The following FAT3 variants were observed in gnomAD, a reference collection of about 807,000 sequenced individuals.
The protein encoded by FAT3 is FAT atypical cadherin 3, also known as protocadherin Fat 3.
A neutral mutation model predicts 310.2 loss-of-function variants in FAT3; 95 were observed. The ratio of observed to expected loss-of-function variants is 0.31; its 90% CI spans 0.26 to 0.36. FAT3 has a LOEUF of 0.36. Ranked by LOEUF, FAT3 falls within the 10% of genes least tolerant of loss-of-function variation. The pLI is 1.00. For synonymous variants in FAT3, 2,314 were observed against 2,192.9 expected, an observed-to-expected ratio of 1.06 and a Z score of -1.54; for missense variants, 5,408 against 5,715.6, an observed-to-expected ratio of 0.95 and a Z score of 1.74.
chr11:92,798,286 A>C lies in FAT3; in HGVS notation c.5273A>C (p.Gln1758Pro), dbSNP rs781780255. ...GCTTCCAATGCTACAGTCAATATTC[A>C]GATTGTTGATGAAAATGATAATGCC... Reference protein sequence around the residue: ...GMASNATVNIQIVDENDNAPV... With the variant: ...GMASNATVNIPIVDENDNAPV... Residue 1758 changes from glutamine (Q) to proline (P), a missense_variant, in exon 10 of 28, where the codon CAG becomes CCG. Gln to Pro is a moderately conservative substitution (Grantham distance 76). Transcript: ENST00000525166. The C allele has an allele frequency of 6.2e-7, 1 of 1,613,888 alleles. No homozygotes were observed. Among genetic ancestry groups the C allele is most frequent in the South Asian group, 1.1e-5 (1 of 91,078 alleles).
chr11:92,346,155 A>G (rs1948413539), intron 1 of FAT3, among the ~76,000 whole-genome samples: 1 of 152,162 alleles, frequency 6.6e-6, no homozygotes, highest in African/African-American at 2.4e-5. Flanking sequence ...TCTATAACTG[A>G]TTTCAGGAGC....
chr11:92,405,061 T>C (rs1358223560), intron 2 of FAT3, among the ~76,000 whole-genome samples: 1 of 151,980 alleles, frequency 6.6e-6, no homozygotes, highest in Non-Finnish European at 1.5e-5. Context: ...GCAAGCCAAC[T>C]CCTCATAATA....
intron 13 of FAT3, among the ~76,000 whole-genome samples, chr11:92,818,546 C>T (rs1468637139): frequency 6.6e-6 from 1 of 152,164 alleles, no homozygotes; most frequent in African/African-American, 2.4e-5. Context: ...TGGGTTTCTC[C>T]AGACCCTGGA....
intron 2 of FAT3, among the ~76,000 whole-genome samples, chr11:92,411,310 C>T (rs1950263256): frequency 6.6e-6 from 1 of 151,492 alleles, no homozygotes; most frequent in Non-Finnish European, 1.5e-5. Context: ...GTAGGAATTT[C>T]AAAGTCTCAT....
At chr11:92,226,863 C>CGCG (rs1863932444) in intron 1 of FAT3, among the ~76,000 whole-genome samples, 1 of 152,142 alleles carries the variant, frequency 6.6e-6, no homozygotes. Flanking sequence ...ACGCTGGGAC[C>CGCG]GCGGTAATGA....
rs17529129 is a variant in FAT3, at chr11:92,545,525, G to T, written c.3607+20577G>T. ...AATTAGTGATAGAATAAATTTGCTAGAATTTTCTCTCTCAAAGATAACAAG... is the reference window on the plus strand; with the variant it reads ...AATTAGTGATAGAATAAATTTGCTATAATTTTCTCTCTCAAAGATAACAAG... On this transcript the variant is annotated intron_variant, in intron 3 of 27. Coordinates refer to ENST00000525166, the MANE Select transcript of FAT3 (RefSeq NM_001367949.2). Among the ~76,000 whole-genome samples, 976 of 152,248 alleles carry T rather than the reference G, an allele frequency of 6.4e-3. 10 individuals carry two copies. The highest frequency in any genetic ancestry group is 0.02 in the Middle Eastern group (6 of 294).
chr11:92,890,391 A>G (rs1249109434), intron 27 of FAT3, 100 bp from the exon 28 acceptor site: 2 of 1,380,760 alleles, frequency 1.4e-6, no homozygotes, highest in Non-Finnish European at 1.9e-6. Flanking sequence ...GGTTTCTTGG[A>G]TGCTAAAAAT....
intron 13 of FAT3, among the ~76,000 whole-genome samples, chr11:92,829,423 A>G (rs1198393907): frequency 6.6e-6 from 1 of 152,218 alleles, no homozygotes; most frequent in African/African-American, 2.4e-5. Context: ...ATGTGTTTCC[A>G]TAAATGCATT....
chr11:92,351,159 C>G (rs1023080347), intron 1 of FAT3, among the ~76,000 whole-genome samples: 74 of 152,240 alleles, frequency 4.9e-4, no homozygotes, highest in African/African-American at 1.6e-3. Flanking sequence ...ATCACTCTTA[C>G]CTCCCTTGTT....
At chr11:92,757,348 G>A (rs1013776066) in intron 4 of FAT3, among the ~76,000 whole-genome samples, 1 of 152,168 alleles carries the variant, frequency 6.6e-6, no homozygotes, top group African/African-American at 2.4e-5. Flanking sequence ...ATCTAGGTGA[G>A]GATGGTTCTC....
intron 4 of FAT3, among the ~76,000 whole-genome samples, chr11:92,714,624 T>C (rs1486042184): frequency 6.6e-6 from 1 of 152,198 alleles, no homozygotes; most frequent in African/African-American, 2.4e-5. Context: ...AAGTTCTTCA[T>C]CAGAACAATA....
chr11:92,464,049 G>C (rs1171003439), intron 2 of FAT3, among the ~76,000 whole-genome samples: 2 of 152,162 alleles, frequency 1.3e-5, no homozygotes, highest in South Asian at 4.1e-4. Flanking sequence ...TGCCAGCCAT[G>C]GTGTCAGATG....
chr11:92,442,113 T>TATATA (rs1951088539), intron 2 of FAT3, among the ~76,000 whole-genome samples: 1 of 82,920 alleles, frequency 1.2e-5, no homozygotes, highest in East Asian at 3.0e-4. Context: ...ATATATATAT[T>TATATA]TTTTTTTTTT....
At chr11:92,543,273 G>A (rs1232192400) in intron 3 of FAT3, among the ~76,000 whole-genome samples, 3 of 152,144 alleles carry the variant, frequency 2.0e-5, no homozygotes, top group African/African-American at 4.8e-5. Flanking sequence ...GCACATTGGG[G>A]TGACTTTGGT....
At chr11:92,795,895 G>A (rs58080847) in intron 9 of FAT3, among the ~76,000 whole-genome samples, 4,429 of 152,024 alleles carry the variant, frequency 0.029, 235 homozygotes, top group African/African-American at 0.1. Flanking sequence ...ATGACAGAGC[G>A]AGACTCCATC....
chr11:92,548,501 G>A (rs3858361), intron 3 of FAT3, among the ~76,000 whole-genome samples: 275 of 152,230 alleles, frequency 1.8e-3, no homozygotes, highest in African/African-American at 6.3e-3. Flanking sequence ...AAGGAAATTC[G>A]CAAAATGATG....
chr11:92,599,970 A>C (rs1939931486), intron 3 of FAT3, among the ~76,000 whole-genome samples: 1 of 152,204 alleles, frequency 6.6e-6, no homozygotes, highest in Non-Finnish European at 1.5e-5. Flanking sequence ...GCTGTAATGA[A>C]GTGTCTTTTG....
intron 3 of FAT3, among the ~76,000 whole-genome samples, chr11:92,680,557 G>A (rs1331176692): frequency 6.6e-6 from 1 of 152,092 alleles, no homozygotes; most frequent in Non-Finnish European, 1.5e-5. Flanking sequence ...TTCCAGCTTT[G>A]TTCTTTTTGC....
At chr11:92,260,880 T>A (rs969916681) in intron 1 of FAT3, among the ~76,000 whole-genome samples, 4 of 152,050 alleles carry the variant, frequency 2.6e-5, no homozygotes, top group Non-Finnish European at 4.4e-5. Flanking sequence ...TGCCAACATG[T>A]AGGACATCAG....
Sources: gnomAD v4.1 joint callset for allele counts (sites outside exome capture counted in the v4.1 genomes callset) on GRCh38, gnomAD v4.1.1 for gene constraint, MANE v1.5 for transcripts, NCBI Gene and HGNC (gene_info 2026-07-23, HGNC 2026-07-21) for gene names.